STOX2: variants seen among roughly 807,000 people sequenced by gnomAD.
STOX2 encodes the protein storkhead-box protein 2.
Under a neutral mutation model 60.9 loss-of-function variants are expected in STOX2, and 28 were observed. The observed-to-expected ratio is 0.46, with a 90% CI of 0.34 to 0.63. STOX2 has a LOEUF of 0.63. Ranked by LOEUF, STOX2 falls within the 30% of genes least tolerant of loss-of-function variation. The pLI, the probability that STOX2 is intolerant of heterozygous loss-of-function variation, is 0.01. For missense variants in STOX2, 1,024 were observed against 1,187.7 expected, an observed-to-expected ratio of 0.86 and a Z score of 2.03; for synonymous variants, 472 against 463.9, an observed-to-expected ratio of 1.02 and a Z score of -0.22.
chr4:183,861,960 C>T, intron 1 of STOX2, among the ~76,000 whole-genome samples: 1 of 152,134 alleles, frequency 6.6e-6, no homozygotes, highest in East Asian at 1.9e-4. Context: ...CCCTCCCCGT[C>T]CACACGATTT....
intron 1 of STOX2, among the ~76,000 whole-genome samples, chr4:183,942,933 T>C (rs1359459323): frequency 6.6e-6 from 1 of 152,252 alleles, no homozygotes; most frequent in Non-Finnish European, 1.5e-5. Flanking sequence ...AATCATTTCT[T>C]ATCAGTTCAT....
At chr4:183,871,599 C>T (rs776301042) in intron 1 of STOX2, among the ~76,000 whole-genome samples, 2 of 152,110 alleles carry the variant, frequency 1.3e-5, no homozygotes, top group African/African-American at 4.8e-5. Context: ...TGACAATCAG[C>T]GGCCAACTCA....
At chr4:183,832,092 T>G (rs1199724142) in intron 1 of STOX2, among the ~76,000 whole-genome samples, 1 of 151,548 alleles carries the variant, frequency 6.6e-6, no homozygotes, top group African/African-American at 2.4e-5. Flanking sequence ...TAGGTTCAAG[T>G]GATTCTCCTG....
In STOX2 at chr4:184,021,550, G is replaced by A. The variant is rs1734593932; in HGVS notation, c.*4266G>A. ...ACAGATCCACCCAAATGCCACTGCA[G>A]TCAGAAGCAGATCTGGACACACCCT... On this transcript the variant is annotated 3_prime_UTR_variant, in exon 4 of 4. Transcript: ENST00000308497. 1 of 152,108 alleles carries A rather than the reference G, an allele frequency of 6.6e-6. No individual in the cohort carries two copies. The highest frequency in any genetic ancestry group is 2.4e-5 in the African/African-American group (1 of 41,402). The allele number at this position is 152,108 out of a possible 1,614,324, so 9.4% of individuals were successfully genotyped here. A position where few individuals can be genotyped will look rare whatever the true frequency, so the allele number is the denominator to read the frequency against.
In STOX2 at chr4:184,011,461, GC is replaced by G; in HGVS notation, c.2585+39del. On this transcript the variant is annotated intron_variant, in intron 3 of 3. Coordinates refer to ENST00000308497, the MANE Select transcript of STOX2 (RefSeq NM_020225.3). The surrounding 1 kb of genome is among the most constrained non-coding windows in gnomAD (Gnocchi z 4.4). ...GTCTCTGTGCACACACATGCGCCTA[GC>G]GGGGCCTGGGGCTTTATGCACGTAA... is the stretch of plus-strand genomic sequence containing the variant. 1 of 1,590,064 alleles carries G rather than the reference GC, an allele frequency of 6.3e-7. No individual in the cohort carries two copies. The highest frequency in any genetic ancestry group is 1.1e-5 in the South Asian group (1 of 87,112).
rs1009340373 is a variant in STOX2, at chr4:183,885,087, C to T, written c.364+87032C>T. On this transcript the variant is annotated intron_variant, in intron 1 of 2. Coordinates refer to the STOX2 transcript ENST00000513034. ...TGACTTCCAGGGCATAATAAAAACCCGTGTCTTCTGGTAATTGGGGCCACA... is the reference window on the plus strand; with the variant it reads ...TGACTTCCAGGGCATAATAAAAACCTGTGTCTTCTGGTAATTGGGGCCACA... Among the ~76,000 whole-genome samples, 3 of 152,114 alleles carry T rather than the reference C, an allele frequency of 2.0e-5. No homozygotes were observed. The South Asian group carries it at 6.2e-4, about 32-fold the overall frequency.
chr4:183,927,364 T>G (rs1742270945), intron 1 of STOX2, among the ~76,000 whole-genome samples: 3 of 152,224 alleles, frequency 2.0e-5, no homozygotes, highest in Admixed American at 1.3e-4. Context: ...TGTAAAACCT[T>G]GAGGACAGCA....
chr4:183,975,096 G>C (rs976349159), intron 1 of STOX2, among the ~76,000 whole-genome samples: 1 of 152,084 alleles, frequency 6.6e-6, no homozygotes, highest in Non-Finnish European at 1.5e-5. Flanking sequence ...TAAGTGATCT[G>C]TGAATCAAAG....
At chr4:183,892,339 C>T (rs1034168901) in intron 1 of STOX2, among the ~76,000 whole-genome samples, 34 of 152,148 alleles carry the variant, frequency 2.2e-4, no homozygotes, top group South Asian at 6.2e-4. Flanking sequence ...AGTGCAGTGG[C>T]GCGATCTCGG....
At chr4:183,965,648 T>C (rs1042071925) in intron 1 of STOX2, among the ~76,000 whole-genome samples, 1 of 152,108 alleles carries the variant, frequency 6.6e-6, no homozygotes, top group Non-Finnish European at 1.5e-5. Context: ...GGGTTTATCA[T>C]TGGAAAAGGG....
In STOX2 at chr4:184,011,562, A is replaced by C. The variant is rs1265887599; in HGVS notation, c.2585+139A>C. 1.9e-6 allele frequency: 3 copies of C among 1,551,218 alleles called. No homozygotes were observed. The Admixed American group carries it at 5.8e-5, about 30-fold the overall frequency. ...GAGTTGTATGAGTTGTATTGTTAAC[A>C]ATCTGTTTCTGACTTCTTTTTCAGG... On this transcript the variant is annotated intron_variant, in intron 3 of 3. Transcript: ENST00000308497. This position sits in a 1 kb window ranked among gnomAD's most constrained non-coding sequence, Gnocchi z 4.4.
intron 1 of STOX2, among the ~76,000 whole-genome samples, chr4:183,860,048 A>C (rs922338828): frequency 6.6e-6 from 1 of 151,968 alleles, no homozygotes; most frequent in African/African-American, 2.4e-5. Flanking sequence ...ATAATATATA[A>C]TTCTGCAATT....
At chr4:183,877,081 C>CT (rs1740846646) in intron 1 of STOX2, among the ~76,000 whole-genome samples, 1 of 152,108 alleles carries the variant, frequency 6.6e-6, no homozygotes, top group Non-Finnish European at 1.5e-5. Context: ...ATCTGTAAAA[C>CT]TTACCCAATT....
chr4:183,970,168 GT>G (rs1743698908), intron 1 of STOX2, among the ~76,000 whole-genome samples: 1 of 150,502 alleles, frequency 6.6e-6, no homozygotes, highest in Admixed American at 6.7e-5. Context: ...GTGTGTGTGT[GT>G]GTGTGTGTGT....
upstream of STOX2, among the ~76,000 whole-genome samples, chr4:183,900,708 A>G (rs1294393392): frequency 1.3e-5 from 2 of 152,206 alleles, no homozygotes; most frequent in East Asian, 1.9e-4. Context: ...AATAAAAACC[A>G]TAACTCTTGG....
chr4:183,913,404 T>C (rs1257154300), intron 1 of STOX2, among the ~76,000 whole-genome samples: 2 of 152,050 alleles, frequency 1.3e-5, no homozygotes, highest in Non-Finnish European at 2.9e-5. Context: ...TGTGAACGTC[T>C]AGAGGCTGGG....
At chr4:183,928,490 C>G (rs1033137541) in intron 1 of STOX2, among the ~76,000 whole-genome samples, 5 of 152,122 alleles carry the variant, frequency 3.3e-5, no homozygotes, top group African/African-American at 1.2e-4. Context: ...CAGAGGAGAG[C>G]CTTGGTGTTC....
At position 183,821,132 on chromosome 4, in the gene STOX2, A is replaced by G. The variant is rs1304679095; in HGVS notation, c.364+23077A>G. Among the ~76,000 whole-genome samples the G allele has an allele frequency of 6.6e-6, 1 of 152,170 alleles. No individual in the cohort carries two copies. The highest frequency in any genetic ancestry group is 1.9e-4 in the East Asian group (1 of 5,184). ...CAAAGAAAAAGAAAAAAGAAAAAGA[A>G]AAAAGAGATTTTTCTCTTCACGGTT... On this transcript the variant is annotated intron_variant, in intron 1 of 2. Coordinates refer to the STOX2 transcript ENST00000513034. The surrounding 1 kb of genome is among the most constrained non-coding windows in gnomAD (Gnocchi z 4.2).
chr4:183,958,846 T>G (rs1457312542), intron 1 of STOX2, among the ~76,000 whole-genome samples: 1 of 152,116 alleles, frequency 6.6e-6, no homozygotes, highest in African/African-American at 2.4e-5. Flanking sequence ...TCTTCCTAAC[T>G]CTCTCAGTGG....
Sources: allele counts gnomAD v4.1 joint callset (sites outside exome capture counted in the v4.1 genomes callset), GRCh38; gene constraint gnomAD v4.1.1; non-coding constraint Gnocchi (gnomAD v3.1); transcripts MANE v1.5; gene names NCBI Gene and HGNC (gene_info 2026-07-23, HGNC 2026-07-21).